SRP54: variants seen among roughly 807,000 people sequenced by gnomAD.
The protein encoded by SRP54 is signal recognition particle 54.
In SRP54, 10 loss-of-function variants were observed where a neutral mutation model predicts 64.8. The ratio of observed to expected loss-of-function variants is 0.15; its 90% confidence interval spans 0.10 to 0.26. SRP54 has a LOEUF of 0.26. Among genes scored for constraint, SRP54 ranks in the 10% least tolerant of loss-of-function variants. SRP54 has a pLI of 1.00. For missense variants in SRP54, 325 were observed against 613.7 expected (o/e 0.53, Z 4.97); for synonymous variants, 193 against 185.6 (o/e 1.04, Z -0.32).
chr14:35,013,980 T>C, intron 10 of SRP54, 78 bp downstream of exon 10: 1 of 1,032,024 alleles, frequency 9.7e-7, no homozygotes, highest in Non-Finnish European at 1.5e-6. Context: ...ATTTTAATTC[T>C]GTCCTCACTA....
chr14:35,028,346 C>T (rs1309570541), intron 15 of SRP54, among the ~76,000 whole-genome samples, 163 bp downstream of exon 15: 3 of 152,102 alleles, frequency 2.0e-5, no homozygotes, highest in Non-Finnish European at 4.4e-5. Flanking sequence ...TGTAATAGGG[C>T]TTATTAGCTG....
At chr14:34,986,206 T>TAAAATTTG (rs1399773148) in intron 1 of SRP54, among the ~76,000 whole-genome samples, 1 of 152,196 alleles carries the variant, frequency 6.6e-6, no homozygotes, top group Non-Finnish European at 1.5e-5. Flanking sequence ...AAATGAGTTT[T>TAAAATTTG]AAAATTTGAA....
chr14:34,983,534 C>T (rs1406107654), intron 1 of SRP54, among the ~76,000 whole-genome samples: 4 of 152,152 alleles, frequency 2.6e-5, no homozygotes, highest in African/African-American at 4.8e-5. Context: ...TTTACTTGTA[C>T]GAGACTTTTA....
chr14:35,009,921 G>A (rs903905804), intron 7 of SRP54, among the ~76,000 whole-genome samples: 8 of 151,828 alleles, frequency 5.3e-5, no homozygotes, highest in Admixed American at 5.3e-4. Context: ...AGGCTGAGGC[G>A]GGCGGATTAT....
intron 1 of SRP54, among the ~76,000 whole-genome samples, chr14:34,990,386 C>T (rs1162249540): frequency 6.6e-6 from 1 of 152,122 alleles, no homozygotes; most frequent in Non-Finnish European, 1.5e-5. Context: ...ATACTCTAGC[C>T]AAAGGACTAT....
chr14:34,996,847 T>A, intron 2 of SRP54, 60 bp downstream of exon 2: 4 of 1,211,062 alleles, frequency 3.3e-6, no homozygotes, highest in Non-Finnish European at 4.9e-6. Context: ...ATTGGGAAGA[T>A]GGCTTATTCA....
chr14:34,992,513 A>G (rs2043996983), intron 1 of SRP54, among the ~76,000 whole-genome samples: 1 of 152,214 alleles, frequency 6.6e-6, no homozygotes, highest in Non-Finnish European at 1.5e-5. Flanking sequence ...GCAGGAGGCC[A>G]TTATCCTAAG....
intron 1 of SRP54, among the ~76,000 whole-genome samples, chr14:34,995,543 C>T (rs1443645254): frequency 1.3e-5 from 2 of 152,086 alleles, no homozygotes; most frequent in Non-Finnish European, 2.9e-5. Context: ...ATCTTGAGGG[C>T]AGGGACTACA....
chr14:35,017,519 G>C (rs2139014911), intron 11 of SRP54, among the ~76,000 whole-genome samples: 1 of 152,174 alleles, frequency 6.6e-6, no homozygotes, highest in South Asian at 2.1e-4. Context: ...GTTTAATTCT[G>C]CGTTTCTAGT....
intron 4 of SRP54, among the ~76,000 whole-genome samples, chr14:35,005,174 A>G (rs559003787): frequency 6.6e-6 from 1 of 152,254 alleles, no homozygotes; most frequent in Middle Eastern, 3.4e-3. Context: ...TCTACAAACA[A>G]ATACTAAAGT....
At chr14:35,008,490 C>A in intron 5 of SRP54, 137 bp from the exon 6 acceptor site, 1 of 515,934 alleles carries the variant, frequency 1.9e-6, no homozygotes, top group Non-Finnish European at 3.1e-6. Flanking sequence ...ATTCAAAAAT[C>A]TTTAATAATA....
chr14:35,013,557 T>C, intron 9 of SRP54, 63 bp downstream of exon 9: 1 of 1,502,440 alleles, frequency 6.7e-7, no homozygotes, highest in South Asian at 1.2e-5. Context: ...TATGTGTTTA[T>C]AGCTTTCATA....
intron 1 of SRP54, among the ~76,000 whole-genome samples, chr14:34,990,700 G>A (rs1278472167): frequency 6.6e-6 from 1 of 152,124 alleles, no homozygotes; most frequent in Admixed American, 6.5e-5. Context: ...CATACAAAAG[G>A]TATTTTTCAC....
At chr14:35,023,766 A>T (rs973656284) in intron 14 of SRP54, among the ~76,000 whole-genome samples, 1 of 149,448 alleles carries the variant, frequency 6.7e-6, no homozygotes, top group African/African-American at 2.5e-5. Flanking sequence ...CCTGGGCAGC[A>T]GAGTGAGACT....
At chr14:34,990,188 T>G (rs1342408450) in intron 1 of SRP54, among the ~76,000 whole-genome samples, 1 of 152,204 alleles carries the variant, frequency 6.6e-6, no homozygotes. Context: ...TCAGTCCTTG[T>G]ATGTACTGGT....
intron 7 of SRP54, among the ~76,000 whole-genome samples, chr14:35,009,924 C>T (rs1412817254): frequency 2.6e-5 from 4 of 151,438 alleles, no homozygotes; most frequent in East Asian, 3.9e-4. Context: ...CTGAGGCGGG[C>T]GGATTATGAG....
At chr14:34,994,393 G>A (rs2044033100) in intron 1 of SRP54, among the ~76,000 whole-genome samples, 1 of 152,106 alleles carries the variant, frequency 6.6e-6, no homozygotes, top group South Asian at 2.1e-4. Context: ...TAGTTTGGAA[G>A]GGTTACCAAA....
intron 11 of SRP54, among the ~76,000 whole-genome samples, chr14:35,017,928 C>T (rs1288367040): frequency 6.6e-6 from 1 of 152,060 alleles, no homozygotes; most frequent in Non-Finnish European, 1.5e-5. Flanking sequence ...TGAGACCAGC[C>T]TGGGCAATGT....
At chr14:34,997,136 T>G (rs2044084299) in intron 2 of SRP54, among the ~76,000 whole-genome samples, 1 of 152,306 alleles carries the variant, frequency 6.6e-6, no homozygotes, top group Non-Finnish European at 1.5e-5. Context: ...CTCTGCTTCT[T>G]TCTTCTTGGC....
Sources: gnomAD v4.1 joint callset for allele counts (sites outside exome capture counted in the v4.1 genomes callset) on GRCh38, gnomAD v4.1.1 for gene constraint, MANE v1.5 for transcripts, NCBI Gene and HGNC (gene_info 2026-07-23, HGNC 2026-07-21) for gene names.